The following SAMD4A variants were observed in gnomAD, a reference collection of about 807,000 sequenced individuals.
The protein encoded by SAMD4A is protein Smaug homolog 1.
Under a neutral mutation model 81.3 loss-of-function variants are expected in SAMD4A, and 33 were observed. That is an observed-to-expected ratio of 0.41 (90% CI 0.31 to 0.54). The LOEUF (loss-of-function observed/expected upper bound fraction) is 0.54, where lower values mean the gene tolerates loss of function less well. SAMD4A is among the 20% of genes least tolerant of loss of function. The probability of loss-of-function intolerance (pLI) is 0.37; values close to 1 mark genes in which losing one functional copy is unlikely to be tolerated. For missense variants in SAMD4A, 854 were observed against 951.1 expected, an observed-to-expected ratio of 0.90 and a Z score of 1.34; for synonymous variants, 389 against 382.1, an observed-to-expected ratio of 1.02 and a Z score of -0.21.
chr14:54,683,530 G>T (rs776163268), intron 2 of SAMD4A, among the ~76,000 whole-genome samples: 1 of 152,130 alleles, frequency 6.6e-6, no homozygotes, highest in Non-Finnish European at 1.5e-5. Flanking sequence ...ATCACAACCT[G>T]TACCACACAA....
intron 2 of SAMD4A, chr14:54,701,191 G>C (rs2036707784): frequency 1.3e-5 from 2 of 151,922 alleles, no homozygotes; most frequent in Admixed American, 1.3e-4. Flanking sequence ...CTGTAGAGAT[G>C]AGGTCTCATT....
intron 4 of SAMD4A, among the ~76,000 whole-genome samples, chr14:54,746,645 A>G (rs1218217868): frequency 6.6e-6 from 1 of 152,218 alleles, no homozygotes; most frequent in Non-Finnish European, 1.5e-5. Flanking sequence ...CATGTTTATA[A>G]CACGATTCAA....
In SAMD4A at chr14:54,605,829, A is replaced by G. The variant is rs78687083; in HGVS notation, c.196+37717A>G. ...TATATGTATATATATAAACATGCCCATATATATGTATGACTTAAAAAATTA... is the reference window on the plus strand; with the variant it reads ...TATATGTATATATATAAACATGCCCGTATATATGTATGACTTAAAAAATTA... On this transcript the variant is annotated intron_variant, in intron 2 of 12. Transcript: ENST00000554335. 2.2e-3 allele frequency among the ~76,000 whole-genome samples: 338 copies of G among 152,100 alleles called. 2 individuals are homozygous for G. Among genetic ancestry groups the G allele is most frequent in the Non-Finnish European group, 4.1e-3 (281 of 68,010 alleles).
chr14:54,711,505 G>A (rs916425347), intron 3 of SAMD4A, among the ~76,000 whole-genome samples: 10 of 152,156 alleles, frequency 6.6e-5, no homozygotes, highest in African/African-American at 1.9e-4. Flanking sequence ...CTATTGATAC[G>A]TAAGATGTCA....
chr14:54,649,720 A>G (rs1411561645), intron 2 of SAMD4A, among the ~76,000 whole-genome samples: 2 of 152,226 alleles, frequency 1.3e-5, no homozygotes, highest in Non-Finnish European at 2.9e-5. Context: ...TGTTTTTGCA[A>G]GCAGGCATAA....
At chr14:54,637,587 G>C (rs140694276) in intron 2 of SAMD4A, among the ~76,000 whole-genome samples, 1 of 152,188 alleles carries the variant, frequency 6.6e-6, no homozygotes, top group East Asian at 1.9e-4. Context: ...CTGGGAGTCC[G>C]CACCATGTGT....
intron 2 of SAMD4A, among the ~76,000 whole-genome samples, chr14:54,602,909 C>T (rs1028989989): frequency 1.3e-5 from 2 of 152,220 alleles, no homozygotes; most frequent in Non-Finnish European, 2.9e-5. Context: ...GTATCAAGGA[C>T]ATCACCTGAG....
At chr14:54,689,474 G>A (rs193224890) in intron 2 of SAMD4A, among the ~76,000 whole-genome samples, 127 of 152,298 alleles carry the variant, frequency 8.3e-4, no homozygotes, top group Admixed American at 2.4e-3. Context: ...ATCTTAGGAG[G>A]TAGCCCATTT....
intron 2 of SAMD4A, among the ~76,000 whole-genome samples, chr14:54,673,383 T>G (rs1036746130): frequency 1.3e-5 from 2 of 152,210 alleles, no homozygotes; most frequent in African/African-American, 2.4e-5. Flanking sequence ...TCATCCTTAT[T>G]TGGTGCTTCC....
At chr14:54,649,450 G>A (rs778282111) in intron 2 of SAMD4A, among the ~76,000 whole-genome samples, 3 of 152,172 alleles carry the variant, frequency 2.0e-5, no homozygotes, top group Non-Finnish European at 4.4e-5. Context: ...GATGTGCATC[G>A]TGTGGGGTGG....
intron 2 of SAMD4A, among the ~76,000 whole-genome samples, chr14:54,614,525 G>C (rs961729410): frequency 6.6e-6 from 1 of 152,158 alleles, no homozygotes; most frequent in African/African-American, 2.4e-5. Context: ...ATAACAAAAG[G>C]GACTTTTAAG....
At chr14:54,720,063 T>C (rs1297753341) in intron 3 of SAMD4A, among the ~76,000 whole-genome samples, 1 of 152,218 alleles carries the variant, frequency 6.6e-6, no homozygotes, top group African/African-American at 2.4e-5. Flanking sequence ...TCTCCTATTT[T>C]GTTTTACTTT....
At chr14:54,698,967 G>A (rs1040501726) in intron 2 of SAMD4A, among the ~76,000 whole-genome samples, 1 of 151,720 alleles carries the variant, frequency 6.6e-6, no homozygotes. Flanking sequence ...TGGAAGGGTA[G>A]AATGTCCAAT....
intron 2 of SAMD4A, among the ~76,000 whole-genome samples, chr14:54,571,520 C>T (rs2033128054): frequency 6.6e-6 from 1 of 152,080 alleles, no homozygotes; most frequent in Admixed American, 6.6e-5. Context: ...TTATTTATGG[C>T]TTTTGTCACT....
chr14:54,732,455 G>C (rs1480669425), intron 3 of SAMD4A, among the ~76,000 whole-genome samples: 1 of 151,938 alleles, frequency 6.6e-6, no homozygotes, highest in African/African-American at 2.4e-5. Context: ...AAGGCTTCCA[G>C]TTCTAAAATG....
At chr14:54,655,211 T>C (rs890404148) in intron 2 of SAMD4A, among the ~76,000 whole-genome samples, 4 of 152,134 alleles carry the variant, frequency 2.6e-5, no homozygotes, top group African/African-American at 4.8e-5. Context: ...AGAGACCACA[T>C]TGATGGATCA....
chr14:54,704,066 G>A lies in SAMD4A; in HGVS notation c.715+1486G>A, dbSNP rs144670840. ...TACTGCATTGATATTGCTACAACAT[G>A]GGATTTTTTTAAATTCTTTTTTCTG... On this transcript the variant is annotated intron_variant, in intron 3 of 12. Transcript: ENST00000554335. Among the ~76,000 whole-genome samples, 91 of 152,250 alleles carry A rather than the reference G, an allele frequency of 6.0e-4. 2 individuals carry two copies. In the East Asian group the frequency reaches 0.013, roughly 22 times the overall value.
chr14:54,588,183 A>T (rs1032317918), intron 2 of SAMD4A, among the ~76,000 whole-genome samples: 5 of 152,078 alleles, frequency 3.3e-5, no homozygotes, highest in African/African-American at 9.7e-5. Context: ...AAAGGTGTTC[A>T]TAACCTTGAA....
At chr14:54,707,346 C>T (rs1300259079) in intron 3 of SAMD4A, among the ~76,000 whole-genome samples, 2 of 151,976 alleles carry the variant, frequency 1.3e-5, no homozygotes, top group Non-Finnish European at 2.9e-5. Context: ...TCAAATAATC[C>T]TCCTGCGTAA....
Sources: allele counts gnomAD v4.1 joint callset (sites outside exome capture counted in the v4.1 genomes callset), GRCh38; gene constraint gnomAD v4.1.1; transcripts MANE v1.5; gene names NCBI Gene and HGNC (gene_info 2026-07-23, HGNC 2026-07-21).